GULP1: variants seen among roughly 807,000 people sequenced by gnomAD.
GULP1 encodes GULP PTB domain containing engulfment adaptor 1.
A neutral mutation model predicts 40.9 loss-of-function variants in GULP1; 19 were observed. The observed-to-expected ratio is 0.46, with a 90% CI of 0.32 to 0.68. The LOEUF (loss-of-function observed/expected upper bound fraction) is 0.68. Among genes scored for constraint, GULP1 ranks in the 30% least tolerant of loss-of-function variants. The pLI is 0.03. For missense variants in GULP1, 312 were observed against 362.2 expected (o/e 0.86, Z 1.12); for synonymous variants, 119 against 117.6 (o/e 1.01, Z -0.08).
At chr2:188,467,402 C>T (rs940781295) in intron 2 of GULP1, among the ~76,000 whole-genome samples, 1 of 152,132 alleles carries the variant, frequency 6.6e-6, no homozygotes, top group African/African-American at 2.4e-5. Flanking sequence ...TGAACTTTCT[C>T]TCCATAATTT....
chr2:188,347,605 T>C (rs931515291), intron 1 of GULP1, among the ~76,000 whole-genome samples: 13 of 142,904 alleles, frequency 9.1e-5, no homozygotes, highest in Non-Finnish European at 1.9e-4. Flanking sequence ...TCAGTGACTA[T>C]CTCAAAGCAT....
intron 2 of GULP1, among the ~76,000 whole-genome samples, chr2:188,453,623 C>A (rs2059014536): frequency 6.6e-6 from 1 of 152,112 alleles, no homozygotes. Context: ...TAAATAATAA[C>A]AGTTATTGAC....
At chr2:188,509,876 C>T (rs1008210199) in intron 4 of GULP1, among the ~76,000 whole-genome samples, 5 of 152,018 alleles carry the variant, frequency 3.3e-5, no homozygotes, top group African/African-American at 1.2e-4. Flanking sequence ...TGTGTGTAGC[C>T]TGTGGCAGCA....
intron 6 of GULP1, among the ~76,000 whole-genome samples, chr2:188,539,712 G>T (rs1048240706): frequency 6.6e-6 from 1 of 152,096 alleles, no homozygotes; most frequent in African/African-American, 2.4e-5. Flanking sequence ...GGGAAAGAAT[G>T]CTTTGCTATG....
chr2:188,529,689 C>T (rs1271211376), intron 6 of GULP1, among the ~76,000 whole-genome samples: 1 of 152,068 alleles, frequency 6.6e-6, no homozygotes, highest in Non-Finnish European at 1.5e-5. Context: ...GATCAAGATG[C>T]CAGCAGGGTT....
chr2:188,580,684 A>G (rs1701132125), intron 9 of GULP1, among the ~76,000 whole-genome samples: 1 of 152,176 alleles, frequency 6.6e-6, no homozygotes, highest in Admixed American at 6.5e-5. Context: ...CCTTCCCTCA[A>G]TTTAATCTCT....
intron 7 of GULP1, among the ~76,000 whole-genome samples, chr2:188,560,997 A>G (rs1316100086): frequency 6.6e-6 from 1 of 152,214 alleles, no homozygotes; most frequent in Non-Finnish European, 1.5e-5. Context: ...ACAATTTAAT[A>G]TGAGATTTTA....
chr2:188,487,762 C>G (rs2061988616), intron 4 of GULP1, among the ~76,000 whole-genome samples: 1 of 151,890 alleles, frequency 6.6e-6, no homozygotes, highest in African/African-American at 2.4e-5. Context: ...GAAAGATTAC[C>G]TTACATTTCA....
chr2:188,297,298 CTCT>C (rs888772250), intron 1 of GULP1, among the ~76,000 whole-genome samples: 3 of 152,026 alleles, frequency 2.0e-5, no homozygotes, highest in South Asian at 4.1e-4. Context: ...GCCCTTTCTA[CTCT>C]TCTTAAGTAG....
chr2:188,347,679 T>C (rs935541491), intron 1 of GULP1, among the ~76,000 whole-genome samples: 24 of 150,900 alleles, frequency 1.6e-4, no homozygotes, highest in African/African-American at 5.9e-4. Flanking sequence ...TGTAGTGTGA[T>C]CATGGCTCAC....
At chr2:188,475,492 AT>A (rs2060937460) in intron 2 of GULP1, among the ~76,000 whole-genome samples, 2 of 152,112 alleles carry the variant, frequency 1.3e-5, no homozygotes, top group African/African-American at 4.8e-5. Context: ...AATTTTAAGA[AT>A]TTTTAAATCA....
intron 9 of GULP1, among the ~76,000 whole-genome samples, chr2:188,574,250 TA>T (rs1699723445): frequency 6.6e-6 from 1 of 152,156 alleles, no homozygotes; most frequent in African/African-American, 2.4e-5. Flanking sequence ...AAATCACTAT[TA>T]TAGATATTAT....
chr2:188,364,060 T>C (rs2046426093), intron 1 of GULP1, among the ~76,000 whole-genome samples: 1 of 152,218 alleles, frequency 6.6e-6, no homozygotes, highest in African/African-American at 2.4e-5. Flanking sequence ...GTCTAGCATC[T>C]AGCTTATTTA....
Position 188,292,158 on chromosome 2 carries a change from C to T in GULP1, c.-180C>T, listed in dbSNP as rs1054766867. ...CCCGAAGCCTGACCCGACTGCCTCT[C>T]TCAGTGAGGTACGGAGATTTATCTA... On this transcript the variant is annotated 5_prime_UTR_variant, in exon 1 of 12. Coordinates refer to ENST00000409830, the MANE Select transcript of GULP1 (RefSeq NM_016315.4). The surrounding 1 kb of genome is among the most constrained non-coding windows in gnomAD (Gnocchi z 4.0). 1 of 152,346 alleles carries T rather than the reference C, an allele frequency of 6.6e-6. No individual in the cohort carries two copies. The highest frequency in any genetic ancestry group is 1.5e-5 in the Non-Finnish European group (1 of 68,144). The allele number at this position is 152,346 out of a possible 1,614,324, so 9.4% of individuals were successfully genotyped here.
rs780460300 is a variant in GULP1, at chr2:188,569,277, C to T, written c.438C>T (p.Asp146=). The part of the protein sequence containing the change: ...EITLTIGQAF[D]LAYRKFLESG... ...CTTTAACAATTGGCCAAGCATTTGA[C>T]CTGGCATACAGGAAATTTCTAGAAT... is the stretch of plus-strand genomic sequence containing the variant. Residue 146 remains aspartate, a synonymous_variant, in exon 8 of 12, where the codon GAC becomes GAT. Transcript: ENST00000409830. 2.5e-6 allele frequency: 4 copies of T among 1,598,670 alleles called. No homozygotes were observed. In the South Asian group the frequency reaches 3.3e-5, roughly 13 times the overall value.
At chr2:188,491,787 A>G (rs547955692) in intron 4 of GULP1, among the ~76,000 whole-genome samples, 142 of 152,236 alleles carry the variant, frequency 9.3e-4, no homozygotes, top group African/African-American at 3.3e-3. Context: ...TAGGCAACAT[A>G]TACATAAATT....
At chr2:188,566,912 G>C (rs1185413009) in intron 7 of GULP1, among the ~76,000 whole-genome samples, 2 of 150,684 alleles carry the variant, frequency 1.3e-5, no homozygotes, top group African/African-American at 4.9e-5. Flanking sequence ...TCCAGAATTT[G>C]CAAGGAACTT....
At chr2:188,464,281 G>A (rs375883265) in intron 2 of GULP1, among the ~76,000 whole-genome samples, 2 of 152,088 alleles carry the variant, frequency 1.3e-5, no homozygotes, top group African/African-American at 4.8e-5. Flanking sequence ...TATATTGATG[G>A]TCTAGGTCAA....
In GULP1 at chr2:188,353,629, A is replaced by C. The variant is rs530106366; in HGVS notation, c.-171-30134A>C. ...CTAGAGCAGTCACCGCTGCCTGTGC[A>C]TGAGCTGAAGCAGTATCCTGGCCCC... On this transcript the variant is annotated intron_variant, in intron 1 of 11. Coordinates refer to ENST00000409830, the MANE Select transcript of GULP1 (RefSeq NM_016315.4). Among the ~76,000 whole-genome samples, 40 of 152,074 alleles carry C rather than the reference A, an allele frequency of 2.6e-4. 1 individual carries two copies. In the South Asian group the frequency reaches 6.2e-3, roughly 24 times the overall value.
Sources: gnomAD v4.1 joint callset for allele counts (sites outside exome capture counted in the v4.1 genomes callset) on GRCh38, gnomAD v4.1.1 for gene constraint, Gnocchi (gnomAD v3.1) non-coding constraint, MANE v1.5 for transcripts, NCBI Gene and HGNC (gene_info 2026-07-23, HGNC 2026-07-21) for gene names.